Variants in RALYL observed in about 807,000 individuals in gnomAD.
RALYL encodes the protein RNA-binding Raly-like protein.
RALYL carries 29 observed loss-of-function variants against 35.1 expected under a neutral mutation model. The ratio of observed to expected loss-of-function variants is 0.83; its 90% CI spans 0.61 to 1.13. RALYL has a LOEUF of 1.13. RALYL is among the 50% of genes most tolerant of loss of function. The pLI is 0.00. For missense variants in RALYL, 359 were observed against 360.4 expected (o/e 1.00, Z 0.03); for synonymous variants, 120 against 127.6 (o/e 0.94, Z 0.40).
At chr8:84,854,968 G>A (rs1171540690) in intron 5 of RALYL, among the ~76,000 whole-genome samples, 1 of 152,178 alleles carries the variant, frequency 6.6e-6, no homozygotes, top group African/African-American at 2.4e-5. Flanking sequence ...GAGGGAGCGT[G>A]GAGTGGCTGT....
At chr8:84,578,710 A>G (rs1810102377) in intron 2 of RALYL, among the ~76,000 whole-genome samples, 1 of 152,200 alleles carries the variant, frequency 6.6e-6, no homozygotes, top group African/African-American at 2.4e-5. Flanking sequence ...TGGAGAGATG[A>G]ACCACAGTGG....
chr8:84,583,946 A>G (rs1460138970), intron 2 of RALYL, among the ~76,000 whole-genome samples: 1 of 149,548 alleles, frequency 6.7e-6, no homozygotes, highest in East Asian at 1.9e-4. Context: ...ATAGTGGAAT[A>G]TTTTTAAATT....
intron 1 of RALYL, among the ~76,000 whole-genome samples, chr8:84,494,891 C>T (rs1312138517): frequency 6.6e-6 from 1 of 152,024 alleles, no homozygotes. Flanking sequence ...CACTTTATTT[C>T]TTTCTCTTGA....
intron 1 of RALYL, among the ~76,000 whole-genome samples, chr8:84,425,577 T>C (rs1398672367): frequency 1.3e-5 from 2 of 152,080 alleles, no homozygotes; most frequent in African/African-American, 2.4e-5. Context: ...CTCCTCCTGG[T>C]CTTAACTTTT....
intron 2 of RALYL, among the ~76,000 whole-genome samples, chr8:84,722,617 T>TATA (rs1554546342): frequency 0.052 from 4,977 of 96,016 alleles, 185 homozygotes; most frequent in Non-Finnish European, 0.063. Flanking sequence ...TAGAGTGATT[T>TATA]TATATATATA....
chr8:84,905,520 GCATTATA>G (rs1846342359), intron 8 of RALYL, among the ~76,000 whole-genome samples: 3 of 152,040 alleles, frequency 2.0e-5, no homozygotes, highest in Admixed American at 2.0e-4. Flanking sequence ...CAGAGTGGCT[GCATTATA>G]TTGCATTCCC....
intron 3 of RALYL, 53 bp downstream of exon 3, chr8:84,774,707 C>A: frequency 8.6e-7 from 1 of 1,168,936 alleles, no homozygotes; most frequent in Non-Finnish European, 1.2e-6. Context: ...TTTCTTGCAG[C>A]TTTATAAGGC....
intron 1 of RALYL, among the ~76,000 whole-genome samples, chr8:84,474,826 A>T (rs1294375738): frequency 1.3e-5 from 2 of 152,140 alleles, no homozygotes; most frequent in Non-Finnish European, 2.9e-5. Context: ...ATTTCTTCGA[A>T]AAAAGGAAAT....
At chr8:84,438,807 C>G (rs1219348706) in intron 1 of RALYL, among the ~76,000 whole-genome samples, 1 of 152,090 alleles carries the variant, frequency 6.6e-6, no homozygotes, top group African/African-American at 2.4e-5. Flanking sequence ...ATATAGCTAG[C>G]CTGCTATTCC....
chr8:84,334,304 T>C (rs1847362237), intron 1 of RALYL, among the ~76,000 whole-genome samples: 1 of 152,078 alleles, frequency 6.6e-6, no homozygotes, highest in Admixed American at 6.6e-5. Flanking sequence ...AGGTAAAAAG[T>C]TGATAATTAA....
At chr8:84,897,251 G>A (rs1844913115) in intron 8 of RALYL, among the ~76,000 whole-genome samples, 1 of 152,122 alleles carries the variant, frequency 6.6e-6, no homozygotes. Context: ...CTATTGTTAT[G>A]ATCATCTCAT....
intron 1 of RALYL, among the ~76,000 whole-genome samples, chr8:84,203,979 C>T (rs1310973126): frequency 3.3e-5 from 5 of 151,930 alleles, no homozygotes; most frequent in African/African-American, 2.4e-5. Context: ...GAATGTACTT[C>T]TTTAAATGTA....
chr8:84,730,403 C>CTATG (rs889745106), intron 2 of RALYL, among the ~76,000 whole-genome samples: 14 of 152,118 alleles, frequency 9.2e-5, no homozygotes, highest in Non-Finnish European at 8.8e-5. Flanking sequence ...TAAGAGCTAT[C>CTATG]TATGACATAC....
intron 2 of RALYL, among the ~76,000 whole-genome samples, chr8:84,773,146 T>G (rs948209808): frequency 6.6e-6 from 1 of 152,198 alleles, no homozygotes; most frequent in Non-Finnish European, 1.5e-5. Flanking sequence ...AAACTCATGT[T>G]CTGGCAGCAA....
At chr8:84,402,010 A>G (rs1319195649) in intron 1 of RALYL, among the ~76,000 whole-genome samples, 1 of 152,142 alleles carries the variant, frequency 6.6e-6, no homozygotes, top group African/African-American at 2.4e-5. Flanking sequence ...AGGTCTCCCT[A>G]CTTTTTGATG....
At chr8:84,913,066 A>AGATT (rs1847853447) in intron 8 of RALYL, among the ~76,000 whole-genome samples, 1 of 151,736 alleles carries the variant, frequency 6.6e-6, no homozygotes, top group Non-Finnish European at 1.5e-5. Flanking sequence ...ATAGATAGAT[A>AGATT]GATAGATAGA....
At chr8:84,556,818 A>G (rs2135520911) in intron 2 of RALYL, among the ~76,000 whole-genome samples, 1 of 152,266 alleles carries the variant, frequency 6.6e-6, no homozygotes, top group East Asian at 1.9e-4. Context: ...TTTCAGCCTG[A>G]GTCTCTAAGA....
At chr8:84,825,436 G>A (rs1000912216) in intron 4 of RALYL, among the ~76,000 whole-genome samples, 6 of 152,254 alleles carry the variant, frequency 3.9e-5, no homozygotes, top group South Asian at 2.1e-4. Flanking sequence ...AAAGCAGTCC[G>A]GAGATTTTTC....
At chr8:84,557,751 T>G (rs2061227554) in intron 2 of RALYL, among the ~76,000 whole-genome samples, 1 of 152,020 alleles carries the variant, frequency 6.6e-6, no homozygotes, top group African/African-American at 2.4e-5. Context: ...ATTGTTGCTA[T>G]GATTTCCTGG....
Sources: gnomAD v4.1 joint callset for allele counts (sites outside exome capture counted in the v4.1 genomes callset) on GRCh38, gnomAD v4.1.1 for gene constraint, MANE v1.5 for transcripts, NCBI Gene and HGNC (gene_info 2026-07-23, HGNC 2026-07-21) for gene names.